RANBP2: variants seen among roughly 807,000 people sequenced by gnomAD.
The protein encoded by RANBP2 is RAN binding protein 2, also known as E3 SUMO-protein ligase RanBP2.
In RANBP2, 57 loss-of-function variants were observed where a neutral mutation model predicts 303.6. The ratio of observed to expected loss-of-function variants is 0.19; its 90% confidence interval spans 0.15 to 0.23. The LOEUF (loss-of-function observed/expected upper bound fraction) is 0.23. Ranked by LOEUF, RANBP2 falls within the 10% of genes least tolerant of loss-of-function variation. The pLI is 1.00. For missense variants in RANBP2, 3,138 were observed against 3,780.8 expected, an observed-to-expected ratio of 0.83 and a Z score of 4.46; for synonymous variants, 1,167 against 1,301.5, an observed-to-expected ratio of 0.90 and a Z score of 2.23.
the RANBP2 span, among the ~76,000 whole-genome samples, chr2:108,880,225 A>AAAC: frequency 0.013 from 34 of 2,690 alleles, no homozygotes; most frequent in African/African-American, 0.12. Context: ...AAAAACAAAC[A>AAAC]AAAAAAAAAA....
chr2:109,011,837 C>T, the RANBP2 span, among the ~76,000 whole-genome samples: 114 of 152,116 alleles, frequency 7.5e-4, no homozygotes, highest in East Asian at 0.012. Flanking sequence ...TCTAGTCATT[C>T]CTTGAAAATA....
At chr2:109,368,131 A>G in the RANBP2 span, among the ~76,000 whole-genome samples, 21,368 of 152,048 alleles carry the variant, frequency 0.14, 1,615 homozygotes, top group Middle Eastern at 0.24. Context: ...GCCTTGGCCT[A>G]TTTTTCTCTT....
chr2:109,081,964 C>G, the RANBP2 span, among the ~76,000 whole-genome samples: 1 of 152,214 alleles, frequency 6.6e-6, no homozygotes, highest in African/African-American at 2.4e-5. Context: ...CCACACTGCT[C>G]ACTGCATTTC....
the RANBP2 span, among the ~76,000 whole-genome samples, chr2:109,027,174 G>A: frequency 5.3e-5 from 8 of 151,334 alleles, no homozygotes; most frequent in East Asian, 7.8e-4. Flanking sequence ...TCCTGGAGGC[G>A]GAGGTTGCAG....
At chr2:109,704,615 C>A in the RANBP2 span, among the ~76,000 whole-genome samples, 502 of 151,822 alleles carry the variant, frequency 3.3e-3, 2 homozygotes, top group Non-Finnish European at 5.3e-3. Flanking sequence ...TTTAGGAGGC[C>A]GAGGCAGGTG....
the RANBP2 span, among the ~76,000 whole-genome samples, chr2:109,619,821 A>G: frequency 1.3e-5 from 2 of 152,204 alleles, no homozygotes; most frequent in Admixed American, 6.5e-5. Context: ...TACATGATTA[A>G]TTCCAGGATT....
At chr2:108,999,324 C>G in the RANBP2 span, among the ~76,000 whole-genome samples, 1 of 152,216 alleles carries the variant, frequency 6.6e-6, no homozygotes, top group Admixed American at 6.5e-5. Flanking sequence ...AGCTCCATTC[C>G]TATAATTAAC....
At chr2:109,350,684 T>C in the RANBP2 span, among the ~76,000 whole-genome samples, 1 of 152,188 alleles carries the variant, frequency 6.6e-6, no homozygotes, top group African/African-American at 2.4e-5. Flanking sequence ...CCGACCCACC[T>C]TACTTCCCCC....
intron 1 of RANBP2, chr2:108,720,142 G>T (rs1202553958): frequency 1.0e-6 from 1 of 984,264 alleles, no homozygotes; most frequent in East Asian, 1.1e-4. Flanking sequence ...CGCAGCTCCG[G>T]GTGAGCTTTG....
the RANBP2 span, among the ~76,000 whole-genome samples, chr2:109,668,478 C>G: frequency 2.0e-5 from 3 of 152,102 alleles, no homozygotes; most frequent in Non-Finnish European, 4.4e-5. Flanking sequence ...GGCATGATAC[C>G]TATATAAAGA....
the RANBP2 span, among the ~76,000 whole-genome samples, chr2:109,164,943 A>G: frequency 6.6e-6 from 1 of 152,192 alleles, no homozygotes; most frequent in Non-Finnish European, 1.5e-5. Context: ...TAAAAATGAC[A>G]ATGGGGAGGT....
the RANBP2 span, chr2:108,876,025 G>A: frequency 9.8e-7 from 1 of 1,024,376 alleles, no homozygotes; most frequent in South Asian, 1.7e-5. Flanking sequence ...TTATCTGTCA[G>A]TGTCATTGCA....
the RANBP2 span, chr2:109,347,805 G>A: frequency 6.2e-7 from 1 of 1,613,984 alleles, no homozygotes; most frequent in South Asian, 1.1e-5. Flanking sequence ...ACCACGGCGA[G>A]CTGCACGGCA....
At chr2:109,398,735 G>A in the RANBP2 span, 1 of 1,613,320 alleles carries the variant, frequency 6.2e-7, no homozygotes, top group East Asian at 2.2e-5. Context: ...GGGGCGGTCA[G>A]TGCCTTTCAG....
chr2:109,616,131 T>C, the RANBP2 span: 1 of 1,422,332 alleles, frequency 7.0e-7, no homozygotes, highest in East Asian at 2.6e-5. Flanking sequence ...CTAGGTGTTG[T>C]AAGGAAGTGA....
At chr2:109,129,479 C>T in the RANBP2 span, 22 of 1,493,806 alleles carry the variant, frequency 1.5e-5, 1 homozygote, top group East Asian at 8.4e-5. Context: ...CTGCCGGTGG[C>T]GGGCTCCACG....
At chr2:109,632,203 C>T in the RANBP2 span, among the ~76,000 whole-genome samples, 1 of 152,172 alleles carries the variant, frequency 6.6e-6, no homozygotes, top group Non-Finnish European at 1.5e-5. Context: ...ATTTGGGACC[C>T]TCCCATATTT....
At chr2:108,802,762 G>A in the RANBP2 span, among the ~76,000 whole-genome samples, 1 of 150,880 alleles carries the variant, frequency 6.6e-6, no homozygotes, top group African/African-American at 2.4e-5. Flanking sequence ...TATCGGCTGT[G>A]GGTTTGTCAT....
chr2:108,936,057 G>C, the RANBP2 span, among the ~76,000 whole-genome samples: 2 of 152,220 alleles, frequency 1.3e-5, no homozygotes, highest in African/African-American at 4.8e-5. Flanking sequence ...AGGAGAAGCA[G>C]AGTCACTGCC....
Sources: allele counts gnomAD v4.1 joint callset (sites outside exome capture counted in the v4.1 genomes callset), GRCh38; gene constraint gnomAD v4.1.1; transcripts MANE v1.5; gene names NCBI Gene and HGNC (gene_info 2026-07-23, HGNC 2026-07-21).